The following PLD1 variants were observed in gnomAD, a reference collection of about 807,000 sequenced individuals.
PLD1 encodes the protein phospholipase D1, also known as choline phosphatase 1.
Under a neutral mutation model 137.1 loss-of-function variants are expected in PLD1, and 112 were observed. The ratio of observed to expected loss-of-function variants is 0.82; its 90% CI spans 0.70 to 0.96. PLD1 has a LOEUF of 0.96. Among genes scored for constraint, PLD1 ranks in the 40% least tolerant of loss-of-function variants. PLD1 has a pLI of 0.00. For synonymous variants in PLD1, 431 were observed against 454.7 expected (o/e 0.95, Z 0.66); for missense variants, 1,321 against 1,342.0 (o/e 0.98, Z 0.24).
At chr3:171,722,993 T>C (rs1718243613) in intron 8 of PLD1, among the ~76,000 whole-genome samples, 1 of 152,212 alleles carries the variant, frequency 6.6e-6, no homozygotes, top group Non-Finnish European at 1.5e-5. Flanking sequence ...CATTATCCTT[T>C]ATGTTACAAA....
intron 10 of PLD1, among the ~76,000 whole-genome samples, chr3:171,709,100 CA>C (rs1716940094): frequency 6.6e-6 from 1 of 152,162 alleles, no homozygotes; most frequent in African/African-American, 2.4e-5. Context: ...CATAAGGAGC[CA>C]GATTAATTTT....
At chr3:171,748,080 A>G (rs555363285) in intron 1 of PLD1, among the ~76,000 whole-genome samples, 2 of 152,350 alleles carry the variant, frequency 1.3e-5, no homozygotes, top group African/African-American at 4.8e-5. Context: ...CCAGAAGACA[A>G]AAACTAGCCC....
At chr3:171,685,144 T>G (rs1338733684) in intron 16 of PLD1, among the ~76,000 whole-genome samples, 2 of 152,206 alleles carry the variant, frequency 1.3e-5, no homozygotes, top group East Asian at 1.9e-4. Context: ...TTTTAGCTCA[T>G]CAGCTATCAT....
chr3:171,796,086 T>C (rs551046546), intron 1 of PLD1, among the ~76,000 whole-genome samples: 1 of 152,334 alleles, frequency 6.6e-6, no homozygotes, highest in South Asian at 2.1e-4. Context: ...AATTTACTCT[T>C]ACCCAATGAT....
intron 19 of PLD1, among the ~76,000 whole-genome samples, chr3:171,672,793 T>C (rs1712917203): frequency 6.6e-6 from 1 of 152,152 alleles, no homozygotes; most frequent in Admixed American, 6.6e-5. Flanking sequence ...TCTAGTGTCA[T>C]TTCTCACACA....
chr3:171,604,288 T>C (rs1052648772), intron 26 of PLD1, among the ~76,000 whole-genome samples: 3 of 144,256 alleles, frequency 2.1e-5, no homozygotes, highest in Non-Finnish European at 4.5e-5. Context: ...CACTCCAGCC[T>C]GGGCAACAGG....
At chr3:171,709,220 T>A (rs1716950650) in intron 10 of PLD1, among the ~76,000 whole-genome samples, 1 of 152,236 alleles carries the variant, frequency 6.6e-6, no homozygotes, top group Non-Finnish European at 1.5e-5. Flanking sequence ...TGACTTTATT[T>A]AAAAGAAATA....
chr3:171,706,960 T>C (rs140738322), intron 11 of PLD1, among the ~76,000 whole-genome samples: 2,174 of 152,274 alleles, frequency 0.014, 57 homozygotes, highest in African/African-American at 0.05. Flanking sequence ...ATGTGGTACA[T>C]ATACACCACA....
At chr3:171,626,470 G>A in intron 23 of PLD1, among the ~76,000 whole-genome samples, 1 of 152,108 alleles carries the variant, frequency 6.6e-6, no homozygotes, top group South Asian at 2.1e-4. Flanking sequence ...TAGCAAGGCA[G>A]GCCAACATTC....
At chr3:171,632,321 C>T (rs1486092647) in intron 23 of PLD1, among the ~76,000 whole-genome samples, 3 of 152,164 alleles carry the variant, frequency 2.0e-5, no homozygotes, top group African/African-American at 7.2e-5. Flanking sequence ...AAAATAAAGA[C>T]ATGTGACAAT....
chr3:171,624,871 CACA>C (rs1428172551), intron 23 of PLD1, among the ~76,000 whole-genome samples: 4 of 151,864 alleles, frequency 2.6e-5, no homozygotes, highest in African/African-American at 9.7e-5. Flanking sequence ...CAAGAAGAAA[CACA>C]ACAAGATTAA....
chr3:171,759,725 A>T (rs1270181237), intron 1 of PLD1, among the ~76,000 whole-genome samples: 2 of 152,366 alleles, frequency 1.3e-5, no homozygotes, highest in Admixed American at 1.3e-4. Flanking sequence ...ATGTAGCATA[A>T]TCAAATCTAT....
chr3:171,667,144 G>A (rs534529966), intron 19 of PLD1, among the ~76,000 whole-genome samples: 159 of 152,234 alleles, frequency 1.0e-3, no homozygotes, highest in Non-Finnish European at 1.8e-3. Flanking sequence ...ATGGAACAAA[G>A]ACTATTTAGG....
At chr3:171,767,242 C>T (rs1016516919) in intron 1 of PLD1, among the ~76,000 whole-genome samples, 1 of 152,196 alleles carries the variant, frequency 6.6e-6, no homozygotes, top group African/African-American at 2.4e-5. Flanking sequence ...GGCTATTCTC[C>T]ATACGGCCTG....
rs544727585 is a variant in PLD1, at chr3:171,779,201, A to G, written c.-32+31198T>C. Among the ~76,000 whole-genome samples the G allele has an allele frequency of 8.8e-4, 134 of 152,340 alleles. 1 individual carries two copies. Among genetic ancestry groups the G allele is most frequent in the African/African-American group, 2.9e-3 (119 of 41,590 alleles). On this transcript the variant is annotated intron_variant, in intron 1 of 26. Transcript: ENST00000351298. ...GGGGACAGGGCAAGACTCTGTCTCA[A>G]TGAAAAATAAAAATAAAAAAAGAAT...
At chr3:171,656,209 C>T (rs1737189125) in intron 21 of PLD1, among the ~76,000 whole-genome samples, 1 of 129,274 alleles carries the variant, frequency 7.7e-6, no homozygotes, top group Non-Finnish European at 1.7e-5. Context: ...CTTGGTCTGT[C>T]ACCCAGGCTG....
At chr3:171,615,643 T>G (rs544893400) in intron 24 of PLD1, among the ~76,000 whole-genome samples, 1 of 152,236 alleles carries the variant, frequency 6.6e-6, no homozygotes, top group Non-Finnish European at 1.5e-5. Context: ...ATATATCAGA[T>G]AGTCCTTTGA....
intron 1 of PLD1, among the ~76,000 whole-genome samples, chr3:171,762,899 A>G (rs551355273): frequency 5.3e-5 from 8 of 152,338 alleles, no homozygotes; most frequent in Non-Finnish European, 8.8e-5. Context: ...CATTCTATAA[A>G]ACAGAACTAT....
At chr3:171,761,420 A>T (rs1342599807) in intron 1 of PLD1, among the ~76,000 whole-genome samples, 1 of 152,192 alleles carries the variant, frequency 6.6e-6, no homozygotes, top group Non-Finnish European at 1.5e-5. Flanking sequence ...CAGAAAACAC[A>T]CGCTGGCATC....
Sources: allele counts gnomAD v4.1 joint callset (sites outside exome capture counted in the v4.1 genomes callset), GRCh38; gene constraint gnomAD v4.1.1; transcripts MANE v1.5; gene names NCBI Gene and HGNC (gene_info 2026-07-23, HGNC 2026-07-21).